SMARCC1: variants seen among roughly 807,000 people sequenced by gnomAD.
The protein encoded by SMARCC1 is SWI/SNF related BAF chromatin remodeling complex subunit C1.
Under a neutral mutation model 147.4 loss-of-function variants are expected in SMARCC1, and 43 were observed. That is an observed-to-expected ratio of 0.29 (90% CI 0.23 to 0.38). The LOEUF is 0.38. Among genes scored for constraint, SMARCC1 ranks in the 10% least tolerant of loss-of-function variants. The pLI is 1.00. For missense variants in SMARCC1, 1,119 were observed against 1,381.1 expected, an observed-to-expected ratio of 0.81 and a Z score of 3.01; for synonymous variants, 495 against 484.4, an observed-to-expected ratio of 1.02 and a Z score of -0.29.
rs1438625526 is a variant in SMARCC1, at chr3:47,590,817, A to T, written c.3064T>A (p.Ser1022Thr). Residue 1022 changes from serine (S) to threonine (T), a missense_variant, in exon 27 of 28, where the codon TCC becomes ACC. Transcript: ENST00000254480. Reference protein sequence around the residue: ...PQPGQIPGPGSMMPGQHMPGR... With the variant: ...PQPGQIPGPGTMMPGQHMPGR... Reference sequence around the variant, plus strand: ...GGCATGTGCTGCCCGGGCATCATGGAACCTGGGCCTGGTATCTGACCTGTG... The same window carrying T: ...GGCATGTGCTGCCCGGGCATCATGGTACCTGGGCCTGGTATCTGACCTGTG... 8.1e-6 allele frequency: 13 copies of T among 1,600,948 alleles called. No homozygotes were observed. The highest frequency in any genetic ancestry group is 1.1e-5 in the Non-Finnish European group (13 of 1,174,926).
chr3:47,693,057 C>G (rs1311390844), intron 12 of SMARCC1, among the ~76,000 whole-genome samples, 184 bp downstream of exon 12: 6 of 151,944 alleles, frequency 3.9e-5, no homozygotes, highest in Non-Finnish European at 8.8e-5. Context: ...ATAATCCGAA[C>G]TACTTGGAAG....
At chr3:47,619,444 G>A (rs971596816) in intron 25 of SMARCC1, among the ~76,000 whole-genome samples, 7 of 152,208 alleles carry the variant, frequency 4.6e-5, no homozygotes, top group East Asian at 1.9e-4. Context: ...GCAATTAAGC[G>A]CTCTGTGAGG....
At chr3:47,725,445 TTATTATA>T (rs2034286887) in intron 6 of SMARCC1, among the ~76,000 whole-genome samples, 1 of 151,900 alleles carries the variant, frequency 6.6e-6, no homozygotes, top group African/African-American at 2.4e-5. Flanking sequence ...CACTTTATTA[TTATTATA>T]TATATATATT....
At chr3:47,609,145 C>T (rs1559624653) in intron 26 of SMARCC1, among the ~76,000 whole-genome samples, 1 of 152,126 alleles carries the variant, frequency 6.6e-6, no homozygotes. Flanking sequence ...AGATATTTAA[C>T]AAATGATATT....
chr3:47,631,096 AAG>A (rs1397683351), intron 24 of SMARCC1, among the ~76,000 whole-genome samples: 5 of 152,048 alleles, frequency 3.3e-5, no homozygotes, highest in Admixed American at 1.3e-4. Flanking sequence ...GAGAAAGAAA[AAG>A]AGAGAGAAGG....
Position 47,586,225 on chromosome 3 carries a change from T to G in SMARCC1, c.*1984A>C, listed in dbSNP as rs2032069457. On this transcript the variant is annotated 3_prime_UTR_variant, in exon 28 of 28. Transcript: ENST00000254480. ...CTTTTAAATTTGAAAGTGATCACAT[T>G]AAAGACCTGAGGTTACAAGGGACCA... The G allele has an allele frequency of 6.6e-6, 1 of 152,222 alleles. No homozygotes were observed. 9.4% of individuals were successfully genotyped at this position (152,222 alleles called of 1,614,324 possible). A position where few individuals can be genotyped will look rare whatever the true frequency, so the allele number is the denominator to read the frequency against.
chr3:47,653,120 G>T (rs1030084796), intron 21 of SMARCC1, among the ~76,000 whole-genome samples: 1 of 151,968 alleles, frequency 6.6e-6, no homozygotes, highest in Admixed American at 6.6e-5. Context: ...ACCGCGCCCG[G>T]CTAATTTTTT....
intron 4 of SMARCC1, 40 bp from the exon 5 acceptor site, chr3:47,736,166 T>C (rs1344367047): frequency 1.8e-6 from 2 of 1,128,722 alleles, no homozygotes; most frequent in Non-Finnish European, 2.6e-6. Context: ...TCTCTTAGTT[T>C]TGAAATAATA....
chr3:47,695,919 C>CT (rs1559647523), intron 11 of SMARCC1, among the ~76,000 whole-genome samples: 4 of 119,850 alleles, frequency 3.3e-5, no homozygotes, highest in Non-Finnish European at 5.1e-5. Context: ...CAAAAAAAAT[C>CT]AGCCGGGCGT....
At chr3:47,757,643 G>A (rs1225637263) in intron 2 of SMARCC1, among the ~76,000 whole-genome samples, 1 of 151,886 alleles carries the variant, frequency 6.6e-6, no homozygotes, top group Non-Finnish European at 1.5e-5. Context: ...ACTTAGCCGG[G>A]CATGGCAGCA....
intron 7 of SMARCC1, 33 bp downstream of exon 7, chr3:47,720,633 T>G: frequency 7.2e-7 from 1 of 1,382,470 alleles, no homozygotes; most frequent in South Asian, 1.2e-5. Context: ...CACAGAAATC[T>G]TTATACCAGG....
rs2033597416 is a variant in SMARCC1 at position 47,678,213 on chromosome 3, A to G, written c.1556T>C (p.Val519Ala). The G allele has an allele frequency of 6.2e-7, 1 of 1,600,870 alleles. No homozygotes were observed. ...TACRRNLTGDVCAVMRVHAFL... is the reference protein window; with the variant it reads ...TACRRNLTGDACAVMRVHAFL... ...AACAGTTTACCTCATCACAGCACAC[A>G]CATCTCCAGTCAAGTTCCTCCGACA... The change falls in exon 16 of 28, where the codon GTG (valine) becomes GCG (alanine). Residue 519 changes from valine to alanine, a missense_variant. Physicochemically the swap from Val to Ala is moderately conservative, Grantham distance 64. Around this residue, in one of 6 missense-constraint regions of SMARCC1, gnomAD observed 14 missense variants for 40.3 expected, o/e 0.35. Coordinates refer to ENST00000254480, the MANE Select transcript of SMARCC1 (RefSeq NM_003074.4).
At chr3:47,667,328 AAAAAAG>A (rs1169558859) in intron 19 of SMARCC1, among the ~76,000 whole-genome samples, 1 of 152,004 alleles carries the variant, frequency 6.6e-6, no homozygotes, top group East Asian at 1.9e-4. Context: ...AAAAAAAAAA[AAAAAAG>A]AGAGAGAGAG....
chr3:47,744,855 G>C (rs977005451), intron 3 of SMARCC1, among the ~76,000 whole-genome samples: 2 of 152,166 alleles, frequency 1.3e-5, no homozygotes, highest in African/African-American at 4.8e-5. Context: ...AGGAATATCT[G>C]CAGGGATTCT....
chr3:47,590,578 G>A (rs1399962826), intron 27 of SMARCC1, 83 bp downstream of exon 27: 12 of 1,230,024 alleles, frequency 9.8e-6, no homozygotes, highest in Non-Finnish European at 1.3e-5. Flanking sequence ...CAAATCTCGG[G>A]GAGAGAACAA....
chr3:47,777,740 C>A (rs956934036), intron 1 of SMARCC1, among the ~76,000 whole-genome samples: 3 of 151,644 alleles, frequency 2.0e-5, no homozygotes, highest in African/African-American at 7.3e-5. Flanking sequence ...ATTGGCCAGG[C>A]TGGTCTCGAA....
Position 47,691,840 on chromosome 3 carries a change from TAATA to T in SMARCC1, c.1225+1397_1225+1400del, listed in dbSNP as rs566834799. Among the ~76,000 whole-genome samples, 48 of 151,288 alleles carry T rather than the reference TAATA, an allele frequency of 3.2e-4. No individual in the cohort carries two copies. The South Asian group carries it at 9.9e-3, about 31-fold the overall frequency. On this transcript the variant is annotated intron_variant, in intron 12 of 27. Coordinates refer to ENST00000254480, the MANE Select transcript of SMARCC1 (RefSeq NM_003074.4). The stretch of plus-strand genomic sequence containing the variant: ...CCCGGTAAAACCCCATGTCTACTAA[TAATA>T]CAAAAATTAGCTGGGCGTGGTGGCA...
intron 26 of SMARCC1, among the ~76,000 whole-genome samples, chr3:47,594,819 A>C (rs1391603483): frequency 6.6e-6 from 1 of 152,160 alleles, no homozygotes; most frequent in Non-Finnish European, 1.5e-5. Context: ...TTGTAGATCC[A>C]CAAACCAGTA....
intron 4 of SMARCC1, among the ~76,000 whole-genome samples, chr3:47,736,361 G>C (rs1229481817): frequency 1.3e-5 from 2 of 152,050 alleles, no homozygotes; most frequent in African/African-American, 2.4e-5. Context: ...AGTGTTTTTA[G>C]CTACGGAAGG....
Sources: gnomAD v4.1 joint callset for allele counts (sites outside exome capture counted in the v4.1 genomes callset) on GRCh38, gnomAD v4.1.1 for gene constraint, gnomAD v4.1.1 regional missense constraint, MANE v1.5 for transcripts, NCBI Gene and HGNC (gene_info 2026-07-23, HGNC 2026-07-21) for gene names.